Variants in GSR observed in about 807,000 individuals in gnomAD.
GSR encodes glutathione-disulfide reductase, also known as glutathione reductase, mitochondrial.
A neutral mutation model predicts 56.5 loss-of-function variants in GSR; 48 were observed. The ratio of observed to expected loss-of-function variants is 0.85; its 90% CI spans 0.67 to 1.08. The LOEUF is 1.08. GSR is among the 50% of genes least tolerant of loss of function. The pLI is 0.00. For missense variants in GSR, 694 were observed against 703.3 expected (o/e 0.99, Z 0.15); for synonymous variants, 264 against 270.8 (o/e 0.97, Z 0.25).
chr8:30,700,723 C>CAAGAAAAAAAA (rs1803705765), intron 5 of GSR, among the ~76,000 whole-genome samples: 1 of 80,044 alleles, frequency 1.2e-5, no homozygotes. Context: ...ATTTTGTCTC[C>CAAGAAAAAAAA]AAAAAAAAAA....
At chr8:30,725,289 A>G (rs1230139307) in intron 1 of GSR, among the ~76,000 whole-genome samples, 1 of 152,020 alleles carries the variant, frequency 6.6e-6, no homozygotes, top group Non-Finnish European at 1.5e-5. Context: ...AAAAACAATA[A>G]ATAAAATAAA....
chr8:30,726,164 T>C (rs1202140178), intron 1 of GSR, among the ~76,000 whole-genome samples: 1 of 152,202 alleles, frequency 6.6e-6, no homozygotes, highest in African/African-American at 2.4e-5. Flanking sequence ...TTCATCTCCA[T>C]GTTCATCTCC....
chr8:30,681,799 G>T (rs1802969709), intron 11 of GSR, 131 bp downstream of exon 11: 3 of 834,840 alleles, frequency 3.6e-6, no homozygotes, highest in South Asian at 1.4e-5. Context: ...ACTGTGACAA[G>T]AGAGTAACCA....
intron 2 of GSR, among the ~76,000 whole-genome samples, chr8:30,710,714 CA>C (rs60532553): frequency 3.7e-4 from 19 of 51,002 alleles, no homozygotes; most frequent in African/African-American, 1.2e-3. Context: ...GACTCTGTCT[CA>C]AAAAAAAAAA....
At chr8:30,715,882 A>G (rs1804315875) in intron 1 of GSR, among the ~76,000 whole-genome samples, 1 of 152,202 alleles carries the variant, frequency 6.6e-6, no homozygotes, top group African/African-American at 2.4e-5. Context: ...TTTTAAAAAT[A>G]TGTTTTTTAA....
At position 30,689,347 on chromosome 8, in the gene GSR, T is replaced by C. The variant is rs536128093; in HGVS notation, c.883-28A>G. On this transcript the variant is annotated intron_variant, in intron 8 of 12. Transcript: ENST00000221130. ...ATTGGCAAATAAAATGTGTTACACA[T>C]GTGTGGAGGCTCAGGGAGGACAGGG... 7.4e-4 allele frequency: 1,183 copies of C among 1,601,820 alleles called. 27 individuals are homozygous for C. In the South Asian group the frequency reaches 0.012, roughly 17 times the overall value.
At chr8:30,707,360 G>A (rs1273478611) in intron 4 of GSR, among the ~76,000 whole-genome samples, 1 of 152,072 alleles carries the variant, frequency 6.6e-6, no homozygotes, top group Non-Finnish European at 1.5e-5. Flanking sequence ...AGAGGCTTCT[G>A]CTCTGACAGG....
intron 9 of GSR, among the ~76,000 whole-genome samples, chr8:30,684,590 C>T (rs1803090894): frequency 1.3e-5 from 2 of 152,124 alleles, no homozygotes; most frequent in South Asian, 4.1e-4. Context: ...TTTGACATTG[C>T]AATGTACAAT....
chr8:30,711,397 C>T (rs1274459035), intron 2 of GSR, among the ~76,000 whole-genome samples: 3 of 152,190 alleles, frequency 2.0e-5, no homozygotes, highest in African/African-American at 7.2e-5. Flanking sequence ...ATGTGACCTG[C>T]ACCACAGATA....
chr8:30,681,901 C>T (rs1388885978), intron 11 of GSR, 29 bp downstream of exon 11: 2 of 1,610,820 alleles, frequency 1.2e-6, no homozygotes, highest in Non-Finnish European at 1.7e-6. Flanking sequence ...AAGGAAACCA[C>T]AAATGACCTT....
rs1171370860 is a variant in GSR, at chr8:30,723,028, C to G, written c.306+4502G>C. Among the ~76,000 whole-genome samples, 5 of 152,292 alleles carry G rather than the reference C, an allele frequency of 3.3e-5. No homozygotes were observed. The South Asian group carries it at 1.0e-3, about 32-fold the overall frequency. ...CATGATCAACCCTTACTACCCAACT[C>G]TCATTGGTAAGTACTACTCGCCAAA... On this transcript the variant is annotated intron_variant, in intron 1 of 12. Coordinates refer to ENST00000221130, the MANE Select transcript of GSR (RefSeq NM_000637.5).
intron 4 of GSR, among the ~76,000 whole-genome samples, chr8:30,706,346 A>C (rs1803918987): frequency 6.6e-6 from 1 of 151,620 alleles, no homozygotes; most frequent in Admixed American, 6.6e-5. Context: ...CTAAAAATAC[A>C]AAAAAAATTA....
At position 30,727,654 on chromosome 8, in the gene GSR, G is replaced by A; in HGVS notation, c.182C>T (p.Ala61Val). 1 of 1,459,404 alleles carries A rather than the reference G, an allele frequency of 6.9e-7. No individual in the cohort carries two copies. The highest frequency in any genetic ancestry group is 9.0e-7 in the Non-Finnish European group (1 of 1,114,948). The allele number at this position is 1,459,404 out of a possible 1,614,324, so 90.4% of individuals were successfully genotyped here. A position where few individuals can be genotyped will look rare whatever the true frequency, so the allele number is the denominator to read the frequency against. The change falls in exon 1 of 13, where the codon GCC (alanine) becomes GTC (valine). Residue 61 changes from alanine (A) to valine (V), a missense_variant. By Grantham distance (64) the Ala-to-Val change is moderately conservative. Coordinates refer to ENST00000221130, the MANE Select transcript of GSR (RefSeq NM_000637.5). ...QPQGPPPAAG[A>V]VASYDYLVIG... ...CACCAGGTAGTCATAGGAGGCCACG[G>A]CGCCAGCAGCGGGCGGCGGGCCCTG...
chr8:30,723,791 C>G (rs867551898), intron 1 of GSR, among the ~76,000 whole-genome samples: 1 of 17,274 alleles, frequency 5.8e-5, no homozygotes, highest in Non-Finnish European at 2.4e-3. Context: ...CAAACACACA[C>G]ACACACACAC....
intron 1 of GSR, among the ~76,000 whole-genome samples, chr8:30,722,099 C>T (rs967544155): frequency 2.6e-5 from 4 of 152,076 alleles, no homozygotes; most frequent in Non-Finnish European, 5.9e-5. Flanking sequence ...CAGAGGCAGT[C>T]TATCTTTTCC....
In GSR at chr8:30,679,167, A is replaced by AAAAAAAAAAAAAC. The variant is rs1802851872; in HGVS notation, c.*352_*353insGTTTTTTTTTTTT. 1 of 215,484 alleles carries AAAAAAAAAAAAAC rather than the reference A, an allele frequency of 4.6e-6. No individual in the cohort carries two copies. 13.3% of individuals were successfully genotyped at this position (215,484 alleles called of 1,614,324 possible). ...TCTGTCTCAAAAAAAAAAAAAAAAA[A>AAAAAAAAAAAAAC]AGTAGCAAGTTCTATTCATTCAAGT... On this transcript the variant is annotated 3_prime_UTR_variant, in exon 13 of 13. Transcript: ENST00000221130.
In GSR at chr8:30,727,815, G is replaced by A. The variant is rs1221884407; in HGVS notation, c.21C>T (p.Ala7=). The stretch of plus-strand genomic sequence containing the variant: ...AGCTCGGTCCCGCGCCGGCGCTCAG[G>A]GCTCGGGGCAGCAGGGCCATGCACG... MALLPR[A]LSAGAGPSWR... The change falls in exon 1 of 13, where the codon GCC becomes GCT. Residue 7 remains alanine, a synonymous_variant. Coordinates refer to ENST00000221130, the MANE Select transcript of GSR (RefSeq NM_000637.5). 7.8e-7 allele frequency: 1 copy of A among 1,281,896 alleles called. No individual in the cohort carries two copies. Among genetic ancestry groups the A allele is most frequent in the South Asian group, 2.4e-5 (1 of 41,474 alleles). The allele number at this position is 1,281,896 out of a possible 1,614,324, so 79.4% of individuals were successfully genotyped here. A position where few individuals can be genotyped will look rare whatever the true frequency, so the allele number is the denominator to read the frequency against.
intron 1 of GSR, among the ~76,000 whole-genome samples, chr8:30,718,615 C>T (rs1182068832): frequency 6.6e-6 from 1 of 152,106 alleles, no homozygotes; most frequent in Non-Finnish European, 1.5e-5. Context: ...AAGTTTGCCT[C>T]CCAGACTGGA....
Position 30,712,092 on chromosome 8 carries a change from GAAAA to G in GSR, c.307-8_307-5del. On this transcript the variant is annotated splice_region_variant and splice_polypyrimidine_tract_variant and intron_variant, in intron 1 of 12. Coordinates refer to ENST00000221130, the MANE Select transcript of GSR (RefSeq NM_000637.5). ...TGGGTACACATCCAACATTCACCTG[GAAAA>G]AAAAAAAAGAGACACACTTTAAGAA... The G allele has an allele frequency of 5.3e-6, 6 of 1,135,510 alleles. No homozygotes were observed. The highest frequency in any genetic ancestry group is 1.7e-5 in the African/African-American group (1 of 59,576). The allele number at this position is 1,135,510 out of a possible 1,614,324, so 70.3% of individuals were successfully genotyped here.
Sources: allele counts gnomAD v4.1 joint callset (sites outside exome capture counted in the v4.1 genomes callset), GRCh38; gene constraint gnomAD v4.1.1; transcripts MANE v1.5; gene names NCBI Gene and HGNC (gene_info 2026-07-23, HGNC 2026-07-21).